GALNT13: variants seen among roughly 807,000 people sequenced by gnomAD.
The protein encoded by GALNT13 is UDP-GalNAc:polypeptide N-acetylgalactosaminyltransferase 13.
In GALNT13, 28 loss-of-function variants were observed where a neutral mutation model predicts 64.2. That is an observed-to-expected ratio of 0.44 (90% CI 0.32 to 0.60). The LOEUF is 0.60. Among genes scored for constraint, GALNT13 ranks in the 20% least tolerant of loss-of-function variants. GALNT13 has a pLI of 0.05. For synonymous variants in GALNT13, 214 were observed against 224.6 expected (o/e 0.95, Z 0.42); for missense variants, 577 against 669.8 (o/e 0.86, Z 1.53).
chr2:153,256,440 A>T, the GALNT13 span, among the ~76,000 whole-genome samples: 2 of 151,898 alleles, frequency 1.3e-5, no homozygotes, highest in Non-Finnish European at 2.9e-5. Context: ...GAGTAATTTG[A>T]TCATCTGAAG....
intron 4 of GALNT13, among the ~76,000 whole-genome samples, chr2:154,151,818 G>A (rs1308761011): frequency 6.6e-6 from 1 of 152,054 alleles, no homozygotes; most frequent in African/African-American, 2.4e-5. Flanking sequence ...TTGAGCCTAT[G>A]TGTGTGTCTG....
At chr2:153,755,272 C>G in the GALNT13 span, among the ~76,000 whole-genome samples, 10 of 152,128 alleles carry the variant, frequency 6.6e-5, no homozygotes, top group African/African-American at 2.2e-4. Flanking sequence ...AGAGGTTTCT[C>G]TTCTGCCATC....
rs1174644043 is a variant in GALNT13, at chr2:153,905,343, A to G, written c.-105+4336A>G. 2.0e-5 allele frequency among the ~76,000 whole-genome samples: 3 copies of G among 152,122 alleles called. No homozygotes were observed. In the East Asian group the frequency reaches 5.8e-4, roughly 29 times the overall value. ...ATCCCCAGTGGATGCCTGAAACTGC[A>G]AATAGTACTAAACCTTATATATAGA... On this transcript the variant is annotated intron_variant, in intron 2 of 12. Coordinates refer to ENST00000392825, the MANE Select transcript of GALNT13 (RefSeq NM_052917.4).
the GALNT13 span, among the ~76,000 whole-genome samples, chr2:153,232,702 T>A: frequency 1.3e-4 from 20 of 152,214 alleles, no homozygotes; most frequent in African/African-American, 4.8e-4. Context: ...TCTCAATATT[T>A]GGAATGTGGC....
At chr2:153,117,113 C>A in the GALNT13 span, among the ~76,000 whole-genome samples, 1 of 151,986 alleles carries the variant, frequency 6.6e-6, no homozygotes, top group Non-Finnish European at 1.5e-5. Context: ...GTGTTGTCTT[C>A]TTTTTAAGAA....
At chr2:153,873,619 A>G (rs566705454) in intron 1 of GALNT13, among the ~76,000 whole-genome samples, 2 of 152,238 alleles carry the variant, frequency 1.3e-5, no homozygotes, top group South Asian at 4.1e-4. Flanking sequence ...GCCTTAAACT[A>G]CCATGCATTC....
chr2:154,118,316 CT>C (rs1190513840), intron 3 of GALNT13, among the ~76,000 whole-genome samples: 25 of 105,384 alleles, frequency 2.4e-4, no homozygotes, highest in African/African-American at 1.0e-3. Flanking sequence ...TACTTAAAGT[CT>C]ATTTTTTTTT....
chr2:153,900,685 C>T (rs1160798794), intron 1 of GALNT13, among the ~76,000 whole-genome samples: 1 of 152,116 alleles, frequency 6.6e-6, no homozygotes, highest in Non-Finnish European at 1.5e-5. Flanking sequence ...TAATATGAAG[C>T]TAGTATGCAG....
chr2:154,205,393 G>C (rs1573872294), intron 4 of GALNT13, among the ~76,000 whole-genome samples: 1 of 152,176 alleles, frequency 6.6e-6, no homozygotes, highest in African/African-American at 2.4e-5. Context: ...AATGTTGCTA[G>C]TCCAAGCCAA....
chr2:153,907,580 A>G (rs1347128401), intron 2 of GALNT13, among the ~76,000 whole-genome samples: 7 of 151,546 alleles, frequency 4.6e-5, no homozygotes, highest in Non-Finnish European at 7.4e-5. Flanking sequence ...GGTAGAGTTC[A>G]TTGTCTGTTT....
At chr2:153,498,155 T>A in the GALNT13 span, among the ~76,000 whole-genome samples, 1 of 152,210 alleles carries the variant, frequency 6.6e-6, no homozygotes, top group East Asian at 1.9e-4. Flanking sequence ...CTAGCGTGTG[T>A]AGGAAACAGC....
chr2:153,589,405 C>T, the GALNT13 span, among the ~76,000 whole-genome samples: 1 of 152,148 alleles, frequency 6.6e-6, no homozygotes, highest in African/African-American at 2.4e-5. Flanking sequence ...CAAACTTTCC[C>T]ACATTTTCTG....
chr2:154,038,510 T>A (rs959448754), intron 3 of GALNT13, among the ~76,000 whole-genome samples: 1 of 152,132 alleles, frequency 6.6e-6, no homozygotes, highest in African/African-American at 2.4e-5. Flanking sequence ...GAATGTGCGC[T>A]GGGGAATGGG....
At chr2:153,238,933 A>G in the GALNT13 span, among the ~76,000 whole-genome samples, 1 of 152,136 alleles carries the variant, frequency 6.6e-6, no homozygotes, top group East Asian at 1.9e-4. Context: ...TGCTTTGATT[A>G]GTATGAACAT....
the GALNT13 span, among the ~76,000 whole-genome samples, chr2:153,548,765 C>T: frequency 6.6e-6 from 1 of 152,134 alleles, no homozygotes; most frequent in African/African-American, 2.4e-5. Context: ...TCAGCAATCC[C>T]ACTTCCAAGT....
At chr2:153,657,290 A>T in the GALNT13 span, among the ~76,000 whole-genome samples, 1 of 151,978 alleles carries the variant, frequency 6.6e-6, no homozygotes, top group Non-Finnish European at 1.5e-5. Context: ...TGAATGGGAG[A>T]GTTAGAATAT....
intron 8 of GALNT13, among the ~76,000 whole-genome samples, chr2:154,259,601 A>AT (rs1269905530): frequency 2.0e-5 from 3 of 152,122 alleles, no homozygotes; most frequent in African/African-American, 7.2e-5. Flanking sequence ...CACTAACATT[A>AT]TTGTTGGATA....
the GALNT13 span, among the ~76,000 whole-genome samples, chr2:153,686,043 T>C: frequency 6.6e-6 from 1 of 152,238 alleles, no homozygotes; most frequent in Admixed American, 6.5e-5. Flanking sequence ...TCAGTTACTG[T>C]AGCCCTGTAG....
At chr2:153,903,621 T>C (rs1688374419) in intron 2 of GALNT13, among the ~76,000 whole-genome samples, 1 of 151,992 alleles carries the variant, frequency 6.6e-6, no homozygotes, top group African/African-American at 2.4e-5. Context: ...TTAATAGTAC[T>C]GTGTCTTCTG....
Sources: allele counts gnomAD v4.1 joint callset (sites outside exome capture counted in the v4.1 genomes callset), GRCh38; gene constraint gnomAD v4.1.1; transcripts MANE v1.5; gene names NCBI Gene and HGNC (gene_info 2026-07-23, HGNC 2026-07-21).